CLVS1: variants seen among roughly 807,000 people sequenced by gnomAD.
CLVS1 encodes clavesin 1.
A neutral mutation model predicts 33.1 loss-of-function variants in CLVS1; 10 were observed. That is an observed-to-expected ratio of 0.30 (90% CI 0.19 to 0.51). The LOEUF (loss-of-function observed/expected upper bound fraction) is 0.51, where lower values mean the gene tolerates loss of function less well. Among genes scored for constraint, CLVS1 ranks in the 20% least tolerant of loss-of-function variants. CLVS1 has a pLI of 0.97. For missense variants in CLVS1, 343 were observed against 433.4 expected (o/e 0.79, Z 1.85); for synonymous variants, 163 against 166.1 (o/e 0.98, Z 0.14).
At chr8:61,305,597 T>C (rs1370317048) in intron 2 of CLVS1, among the ~76,000 whole-genome samples, 2 of 152,212 alleles carry the variant, frequency 1.3e-5, no homozygotes, top group Admixed American at 6.5e-5. Context: ...CATGTGCAGG[T>C]TTGTTACGTA....
At chr8:61,274,217 G>T (rs376763838) in intron 2 of CLVS1, among the ~76,000 whole-genome samples, 1 of 152,168 alleles carries the variant, frequency 6.6e-6, no homozygotes, top group African/African-American at 2.4e-5. Flanking sequence ...GAGCCATTGG[G>T]TGATTAAAAG....
chr8:61,076,693 C>T (rs1435851458), intron 1 of CLVS1, among the ~76,000 whole-genome samples: 1 of 152,202 alleles, frequency 6.6e-6, no homozygotes, highest in Admixed American at 6.5e-5. Flanking sequence ...GTGGTAAGAT[C>T]ACCAGGATGG....
the CLVS1 span, among the ~76,000 whole-genome samples, chr8:61,008,738 A>T: frequency 6.6e-6 from 1 of 152,184 alleles, no homozygotes; most frequent in Non-Finnish European, 1.5e-5. Flanking sequence ...TTGCTGAGTT[A>T]CCCTGCAAAA....
At chr8:61,092,655 A>G (rs1306560460) in intron 1 of CLVS1, among the ~76,000 whole-genome samples, 1 of 152,172 alleles carries the variant, frequency 6.6e-6, no homozygotes, top group Admixed American at 6.5e-5. Context: ...CACAGGTTAA[A>G]TGTGCTTCAT....
At chr8:61,492,483 C>A (rs113987083) in intron 5 of CLVS1, among the ~76,000 whole-genome samples, 57 of 152,272 alleles carry the variant, frequency 3.7e-4, no homozygotes, top group African/African-American at 1.3e-3. Flanking sequence ...TTCATGAAAG[C>A]CACGCACTTC....
chr8:61,139,958 G>C (rs1434643749), intron 2 of CLVS1, among the ~76,000 whole-genome samples: 1 of 152,156 alleles, frequency 6.6e-6, no homozygotes, highest in Non-Finnish European at 1.5e-5. Flanking sequence ...ACACTGTGGA[G>C]GCTGAGCCAC....
intron 1 of CLVS1, among the ~76,000 whole-genome samples, chr8:61,295,598 G>A (rs1314862829): frequency 6.6e-6 from 1 of 152,110 alleles, no homozygotes; most frequent in Non-Finnish European, 1.5e-5. Flanking sequence ...ACCAGAGTGA[G>A]GTTCTGAAAC....
At chr8:61,248,902 G>A (rs555550616) in intron 2 of CLVS1, among the ~76,000 whole-genome samples, 55 of 152,012 alleles carry the variant, frequency 3.6e-4, no homozygotes, top group Non-Finnish European at 6.5e-4. Flanking sequence ...CGTCAACTAT[G>A]AGCTATATGA....
At chr8:61,230,240 G>T (rs1808405510) in intron 2 of CLVS1, among the ~76,000 whole-genome samples, 1 of 152,160 alleles carries the variant, frequency 6.6e-6, no homozygotes, top group African/African-American at 2.4e-5. Flanking sequence ...TTTTCTTTGT[G>T]AGGGCCAATA....
intron 2 of CLVS1, among the ~76,000 whole-genome samples, chr8:61,239,183 T>C (rs188813798): frequency 2.0e-4 from 31 of 152,350 alleles, no homozygotes; most frequent in Non-Finnish European, 3.5e-4. Flanking sequence ...GTTTAATTTG[T>C]TTAATCCCCT....
At chr8:61,306,539 C>G (rs933315863) in intron 2 of CLVS1, among the ~76,000 whole-genome samples, 1 of 152,044 alleles carries the variant, frequency 6.6e-6, no homozygotes, top group African/African-American at 2.4e-5. Context: ...TTGTCTTTAC[C>G]CATTCATCTG....
At chr8:61,043,515 G>A in the CLVS1 span, among the ~76,000 whole-genome samples, 15 of 152,184 alleles carry the variant, frequency 9.9e-5, no homozygotes, top group Non-Finnish European at 1.8e-4. Flanking sequence ...TTGTCAGATG[G>A]GCTCTCTTTA....
At chr8:61,322,385 G>T (rs1231128591) in intron 2 of CLVS1, among the ~76,000 whole-genome samples, 1 of 152,140 alleles carries the variant, frequency 6.6e-6, no homozygotes, top group Non-Finnish European at 1.5e-5. Context: ...CTATAAATTG[G>T]TGTCATCCTT....
chr8:61,156,357 C>G (rs568237689), intron 2 of CLVS1, among the ~76,000 whole-genome samples: 1 of 151,790 alleles, frequency 6.6e-6, no homozygotes, highest in East Asian at 1.9e-4. Context: ...CCATCTGGTC[C>G]CTCCTGTGAG....
chr8:61,126,797 T>C (rs1805981231), intron 1 of CLVS1, among the ~76,000 whole-genome samples: 2 of 152,246 alleles, frequency 1.3e-5, no homozygotes. Context: ...GTTTGCATGT[T>C]GGACTTATTC....
chr8:61,353,259 C>T (rs1229952614), intron 2 of CLVS1, among the ~76,000 whole-genome samples: 1 of 151,912 alleles, frequency 6.6e-6, no homozygotes, highest in Non-Finnish European at 1.5e-5. Flanking sequence ...TTTTAAAGTG[C>T]CTGTGGAACA....
At chr8:61,023,464 A>G in the CLVS1 span, among the ~76,000 whole-genome samples, 1 of 152,268 alleles carries the variant, frequency 6.6e-6, no homozygotes, top group Admixed American at 6.5e-5. Context: ...GCCATGCACC[A>G]TTACATCCCA....
At chr8:61,285,206 T>G (rs2129593402), upstream of CLVS1, among the ~76,000 whole-genome samples, 1 of 152,334 alleles carries the variant, frequency 6.6e-6, no homozygotes, top group South Asian at 2.1e-4. Flanking sequence ...CAAAATATTG[T>G]AAAGAATGCC....
intron 2 of CLVS1, among the ~76,000 whole-genome samples, chr8:61,203,653 T>C (rs2978515): frequency 6.6e-6 from 1 of 152,096 alleles, no homozygotes; most frequent in Non-Finnish European, 1.5e-5. Context: ...AGAGGAACCT[T>C]TATTTTTTAC....
Sources: allele counts gnomAD v4.1 joint callset (sites outside exome capture counted in the v4.1 genomes callset), GRCh38; gene constraint gnomAD v4.1.1; transcripts MANE v1.5; gene names NCBI Gene and HGNC (gene_info 2026-07-23, HGNC 2026-07-21).